Variants in PDZRN3 observed in about 807,000 individuals in gnomAD.
PDZRN3 encodes E3 ubiquitin-protein ligase PDZRN3.
A neutral mutation model predicts 85.7 loss-of-function variants in PDZRN3; 38 were observed. That is an observed-to-expected ratio of 0.44 (90% CI 0.34 to 0.58). The LOEUF is 0.58. Ranked by LOEUF, PDZRN3 falls within the 20% of genes least tolerant of loss-of-function variation. PDZRN3 has a pLI of 0.01. For synonymous variants in PDZRN3, 759 were observed against 638.0 expected, an observed-to-expected ratio of 1.19 and a Z score of -2.86; for missense variants, 1,629 against 1,506.4, an observed-to-expected ratio of 1.08 and a Z score of -1.35.
chr3:73,388,124 A>G, intron 7 of PDZRN3, 55 bp from the exon 8 acceptor site: 1 of 830,454 alleles, frequency 1.2e-6, no homozygotes, highest in South Asian at 1.7e-5. Context: ...GCATGATTAG[A>G]TGGTGCAAAA....
chr3:73,509,756 A>C (rs1704130752), intron 3 of PDZRN3, among the ~76,000 whole-genome samples: 1 of 152,228 alleles, frequency 6.6e-6, no homozygotes, highest in African/African-American at 2.4e-5. Context: ...CTGATTGAAT[A>C]ATCAATTCTT....
Position 73,404,549 on chromosome 3 carries a change from G to A in PDZRN3, c.919-154C>T, listed in dbSNP as rs548517573. 3.6e-5 allele frequency: 25 copies of A among 699,796 alleles called. No homozygotes were observed. The East Asian group carries it at 4.0e-4, about 11-fold the overall frequency. 43.3% of individuals were successfully genotyped at this position (699,796 alleles called of 1,614,324 possible). On this transcript the variant is annotated intron_variant, in intron 3 of 9. Transcript: ENST00000263666. ...TCAGTTCTCTGTGTTTAGGTTTCCC[G>A]AAGAATGCCTGGTGGAAAGAGAGTG...
intron 3 of PDZRN3, among the ~76,000 whole-genome samples, chr3:73,583,843 T>C (rs148762634): frequency 2.1e-3 from 315 of 152,270 alleles, no homozygotes; most frequent in African/African-American, 7.3e-3. Flanking sequence ...TTAAACCTAC[T>C]AGGCAACCCT....
At position 73,383,266 on chromosome 3, in the gene PDZRN3, T is replaced by C. The variant is rs1703289115; in HGVS notation, c.*99A>G. The C allele has an allele frequency of 4.4e-6, 5 of 1,130,474 alleles. No individual in the cohort carries two copies. The highest frequency in any genetic ancestry group is 6.4e-6 in the Non-Finnish European group (5 of 782,380). The allele number at this position is 1,130,474 out of a possible 1,614,324, so 70.0% of individuals were successfully genotyped here. A position where few individuals can be genotyped will look rare whatever the true frequency, so the allele number is the denominator to read the frequency against. ...ATTTGGACTATAAACATGAAGACCGTACTTATCTTATATACAAAAACTTGC... is the reference window on the plus strand; with the variant it reads ...ATTTGGACTATAAACATGAAGACCGCACTTATCTTATATACAAAAACTTGC... On this transcript the variant is annotated 3_prime_UTR_variant, in exon 10 of 10. Transcript: ENST00000263666.
intron 3 of PDZRN3, among the ~76,000 whole-genome samples, chr3:73,532,854 G>A (rs1015991131): frequency 3.9e-5 from 6 of 152,324 alleles, no homozygotes; most frequent in South Asian, 2.1e-4. Flanking sequence ...TGTAAGAAGC[G>A]AGAAATCTGA....
chr3:73,402,528 T>C (rs368379600), intron 4 of PDZRN3: 2 of 152,112 alleles, frequency 1.3e-5, no homozygotes, highest in Admixed American at 6.6e-5. Context: ...ATGAAGGAGA[T>C]AGATAATAGT....
intron 3 of PDZRN3, among the ~76,000 whole-genome samples, chr3:73,429,682 A>G (rs902101802): frequency 6.6e-6 from 1 of 152,210 alleles, no homozygotes; most frequent in East Asian, 1.9e-4. Flanking sequence ...TTAGTGGTAA[A>G]GTTTTTGCTT....
intron 3 of PDZRN3, among the ~76,000 whole-genome samples, chr3:73,511,581 C>T (rs866181851): frequency 1.3e-5 from 2 of 152,178 alleles, no homozygotes; most frequent in African/African-American, 4.8e-5. Context: ...AATCCCAACC[C>T]GGAGCCAATG....
intron 3 of PDZRN3, among the ~76,000 whole-genome samples, chr3:73,469,360 C>A (rs899341264): frequency 6.6e-6 from 1 of 152,182 alleles, no homozygotes; most frequent in African/African-American, 2.4e-5. Flanking sequence ...CGTGAGCCAC[C>A]ACTCCCGGTC....
At chr3:73,493,481 T>C (rs1703813153) in intron 3 of PDZRN3, among the ~76,000 whole-genome samples, 1 of 152,116 alleles carries the variant, frequency 6.6e-6, no homozygotes, top group South Asian at 2.1e-4. Context: ...CAGGAGGCTG[T>C]GTGGATGTTC....
intron 3 of PDZRN3, among the ~76,000 whole-genome samples, chr3:73,465,770 G>A (rs1015601270): frequency 2.6e-5 from 4 of 152,194 alleles, no homozygotes; most frequent in African/African-American, 7.2e-5. Flanking sequence ...CTACTGCCAC[G>A]GGGATTTATA....
At chr3:73,502,789 A>T (rs1184854465) in intron 3 of PDZRN3, among the ~76,000 whole-genome samples, 1 of 152,240 alleles carries the variant, frequency 6.6e-6, no homozygotes, top group South Asian at 2.1e-4. Context: ...GGCATCTTAC[A>T]GAAAATCCTA....
intron 3 of PDZRN3, among the ~76,000 whole-genome samples, chr3:73,409,323 T>C (rs1023275856): frequency 3.9e-5 from 6 of 152,186 alleles, no homozygotes; most frequent in Non-Finnish European, 5.9e-5. Context: ...ATAACATTGC[T>C]GTTGCTCTTC....
intron 3 of PDZRN3, among the ~76,000 whole-genome samples, chr3:73,481,635 G>A (rs1478193810): frequency 1.3e-5 from 2 of 152,204 alleles, no homozygotes; most frequent in Non-Finnish European, 2.9e-5. Flanking sequence ...TGGCCTGAGG[G>A]CAGGATTCTA....
chr3:73,622,681 C>T (rs528651222), intron 1 of PDZRN3, among the ~76,000 whole-genome samples: 34 of 152,280 alleles, frequency 2.2e-4, no homozygotes, highest in African/African-American at 7.2e-4. Context: ...CCCAAAATGC[C>T]AATATGCCCC....
At chr3:73,566,166 A>G (rs1701946584) in intron 3 of PDZRN3, among the ~76,000 whole-genome samples, 1 of 152,248 alleles carries the variant, frequency 6.6e-6, no homozygotes, top group Non-Finnish European at 1.5e-5. Context: ...AGAAAGGGAT[A>G]TCTTCATTCA....
At chr3:73,593,515 C>G (rs1003717925) in intron 3 of PDZRN3, among the ~76,000 whole-genome samples, 1 of 152,118 alleles carries the variant, frequency 6.6e-6, no homozygotes, top group Non-Finnish European at 1.5e-5. Context: ...ATCCTGACTG[C>G]AGGGTTTCAG....
intron 3 of PDZRN3, among the ~76,000 whole-genome samples, chr3:73,523,348 G>A (rs1250286554): frequency 6.6e-6 from 1 of 152,146 alleles, no homozygotes; most frequent in African/African-American, 2.4e-5. Flanking sequence ...ATATTTGAAA[G>A]AGAGAAACAA....
chr3:73,384,632 C>T lies in PDZRN3; in HGVS notation c.1934G>A (p.Arg645His), dbSNP rs368761158. The T allele has an allele frequency of 1.1e-5, 17 of 1,613,676 alleles. No homozygotes were observed. The highest frequency in any genetic ancestry group is 1.6e-4 in the Middle Eastern group (1 of 6,084). Residue 645 changes from arginine (R) to histidine (H), a missense_variant, in exon 10 of 10, where the codon CGC (arginine) becomes CAC (histidine). Arg to His is a conservative substitution (Grantham distance 29). Coordinates refer to ENST00000263666, the MANE Select transcript of PDZRN3 (RefSeq NM_015009.3). Reference sequence around the variant, plus strand: ...CTTGAGCTCCAGGAGCTCGCGGAAGCGCTCGCACTCGTCCACCGGGATCCC... The same window carrying T: ...CTTGAGCTCCAGGAGCTCGCGGAAGTGCTCGCACTCGTCCACCGGGATCCC... ...YLGIPVDECE[R>H]FRELLELKCQ... is the part of the protein sequence containing the mutation.
Sources: allele counts gnomAD v4.1 joint callset (sites outside exome capture counted in the v4.1 genomes callset), GRCh38; gene constraint gnomAD v4.1.1; transcripts MANE v1.5; gene names NCBI Gene and HGNC (gene_info 2026-07-23, HGNC 2026-07-21).